The following FCHSD2 variants were observed in gnomAD, a reference collection of about 807,000 sequenced individuals.
The protein encoded by FCHSD2 is F-BAR and double SH3 domains protein 2.
A neutral mutation model predicts 108.1 loss-of-function variants in FCHSD2; 38 were observed. The ratio of observed to expected loss-of-function variants is 0.35; its 90% CI spans 0.27 to 0.46. FCHSD2 has a LOEUF of 0.46. Ranked by LOEUF, FCHSD2 falls within the 20% of genes least tolerant of loss-of-function variation. The probability of loss-of-function intolerance (pLI) is 1.00; values close to 1 mark genes in which losing one functional copy is unlikely to be tolerated. For synonymous variants in FCHSD2, 279 were observed against 314.7 expected (o/e 0.89, Z 1.20); for missense variants, 751 against 897.8 (o/e 0.84, Z 2.09).
Position 72,849,795 on chromosome 11 carries a change from C to A in FCHSD2, c.1403G>T (p.Arg468Ile). The change falls in exon 14 of 20, where the codon AGA (arginine) becomes ATA (isoleucine). Residue 468 changes from arginine to isoleucine, a missense_variant. Transcript: ENST00000409418. The part of the protein sequence containing the change: ...DSSSSPSGTL[R>I]NYPLTCKVVY... ...AACTTTGCAGGTGAGTGGATAATTT[C>A]TTAAGGTGCCAGAAGGGCTGGAACT... The A allele has an allele frequency of 6.2e-7, 1 of 1,612,992 alleles. No individual in the cohort carries two copies. Among genetic ancestry groups the A allele is most frequent in the Non-Finnish European group, 8.5e-7 (1 of 1,179,072 alleles).
intron 9 of FCHSD2, among the ~76,000 whole-genome samples, chr11:72,919,216 A>C (rs1490689193): frequency 6.6e-6 from 1 of 152,224 alleles, no homozygotes; most frequent in African/African-American, 2.4e-5. Flanking sequence ...ACAGAAAAAC[A>C]CATGGCATAA....
intron 2 of FCHSD2, among the ~76,000 whole-genome samples, chr11:73,085,718 A>T (rs1591541660): frequency 1.4e-5 from 2 of 143,880 alleles, no homozygotes; most frequent in East Asian, 3.9e-4. Flanking sequence ...TTTAACTATT[A>T]AAAAAAAAAA....
intron 13 of FCHSD2, among the ~76,000 whole-genome samples, chr11:72,853,507 C>G (rs1371961319): frequency 1.3e-5 from 2 of 151,984 alleles, no homozygotes; most frequent in Non-Finnish European, 2.9e-5. Flanking sequence ...CTCCGCCTGC[C>G]AGGTTCAAGC....
intron 13 of FCHSD2, among the ~76,000 whole-genome samples, chr11:72,861,650 C>T (rs752575679): frequency 2.0e-5 from 3 of 152,150 alleles, no homozygotes; most frequent in Non-Finnish European, 4.4e-5. Context: ...AAAGGATAGG[C>T]CGGGCGCGCT....
chr11:72,923,704 G>C (rs1266244807), intron 8 of FCHSD2, among the ~76,000 whole-genome samples: 1 of 152,132 alleles, frequency 6.6e-6, no homozygotes, highest in Non-Finnish European at 1.5e-5. Flanking sequence ...CACTTTGAGA[G>C]GCTGAGGTGG....
At chr11:72,893,966 A>G (rs1855370141) in intron 10 of FCHSD2, among the ~76,000 whole-genome samples, 1 of 152,230 alleles carries the variant, frequency 6.6e-6, no homozygotes, top group African/African-American at 2.4e-5. Flanking sequence ...ACAAAGGCAT[A>G]GAAGGCTCAG....
intron 8 of FCHSD2, among the ~76,000 whole-genome samples, chr11:72,965,005 G>A (rs1016636995): frequency 3.9e-5 from 6 of 151,972 alleles, no homozygotes; most frequent in African/African-American, 1.5e-4. Flanking sequence ...TAGCCAGGAT[G>A]GTCTCAATTT....
In FCHSD2 at chr11:72,880,059, A is replaced by G. The variant is rs557748468; in HGVS notation, c.1146+7411T>C. Among the ~76,000 whole-genome samples the G allele has an allele frequency of 2.6e-4, 10 of 38,700 alleles. No individual in the cohort carries two copies. The South Asian group carries it at 5.0e-3, about 19-fold the overall frequency. 25.4% of individuals were successfully genotyped at this position (38,700 alleles called of 152,430 possible). A position where few individuals can be genotyped will look rare whatever the true frequency, so the allele number is the denominator to read the frequency against. On this transcript the variant is annotated intron_variant, in intron 12 of 19. Transcript: ENST00000409418. The stretch of plus-strand genomic sequence containing the variant: ...AAAATAGCTACCCAAACCAAACCAA[A>G]ACAAGACAAAAACAAACAAACAAAC...
chr11:73,006,249 AC>A (rs1857739152), intron 4 of FCHSD2, among the ~76,000 whole-genome samples: 1 of 151,784 alleles, frequency 6.6e-6, no homozygotes, highest in African/African-American at 2.4e-5. Context: ...CCTTCCCTAA[AC>A]CCTAACTGCC....
intron 3 of FCHSD2, among the ~76,000 whole-genome samples, chr11:73,067,878 T>C (rs1476523249): frequency 6.6e-6 from 1 of 152,162 alleles, no homozygotes. Context: ...TACTCAAGAC[T>C]GGGTAATTTA....
At chr11:73,036,278 T>C (rs1170471808) in intron 3 of FCHSD2, among the ~76,000 whole-genome samples, 3 of 150,646 alleles carry the variant, frequency 2.0e-5, no homozygotes, top group Non-Finnish European at 3.0e-5. Context: ...AATTTTGAAA[T>C]GTGTGAAGGG....
chr11:72,849,674 T>G, intron 14 of FCHSD2, 81 bp downstream of exon 14: 1 of 1,107,982 alleles, frequency 9.0e-7, no homozygotes, highest in Non-Finnish European at 1.3e-6. Context: ...TAAGTACAGC[T>G]TGAGAGACTG....
At chr11:72,904,855 TAG>T (rs1219999966) in intron 9 of FCHSD2, among the ~76,000 whole-genome samples, 2 of 152,234 alleles carry the variant, frequency 1.3e-5, no homozygotes, top group Admixed American at 6.5e-5. Context: ...TTTTGTTCTG[TAG>T]AGTTTCCTGT....
rs996789789 is a variant in FCHSD2, at chr11:73,135,442, G to C, written c.119+4589C>G. 2.6e-5 allele frequency among the ~76,000 whole-genome samples: 4 copies of C among 152,266 alleles called. No homozygotes were observed. In the East Asian group the frequency reaches 7.7e-4, roughly 29 times the overall value. ...CCTTAAACTGTCCTCTAAGAAGGTA[G>C]TTCTTTAAATTCTGGGTCACTGCAA... On this transcript the variant is annotated intron_variant, in intron 2 of 19. Coordinates refer to ENST00000409418, the MANE Select transcript of FCHSD2 (RefSeq NM_014824.3).
chr11:73,116,302 T>A (rs1860599375), intron 2 of FCHSD2, among the ~76,000 whole-genome samples: 2 of 152,222 alleles, frequency 1.3e-5, no homozygotes, highest in African/African-American at 4.8e-5. Context: ...TAAATTTTTG[T>A]TGACGATATT....
At position 73,092,261 on chromosome 11, in the gene FCHSD2, G is replaced by T. The variant is rs528417004; in HGVS notation, c.120-8521C>A. Among the ~76,000 whole-genome samples, 20 of 152,076 alleles carry T rather than the reference G, an allele frequency of 1.3e-4. No individual in the cohort carries two copies. The South Asian group carries it at 4.2e-3, about 32-fold the overall frequency. On this transcript the variant is annotated intron_variant, in intron 2 of 19. Coordinates refer to ENST00000409418, the MANE Select transcript of FCHSD2 (RefSeq NM_014824.3). ...TCCCTCCTTAGCCTCCCAAGTAGCT[G>T]GGACTATAGGTGTACACCACCACAC...
At chr11:72,864,335 C>A (rs1460131925) in intron 13 of FCHSD2, among the ~76,000 whole-genome samples, 1 of 152,022 alleles carries the variant, frequency 6.6e-6, no homozygotes, top group Non-Finnish European at 1.5e-5. Context: ...CCAACGTGGG[C>A]GGACTGCTTG....
At chr11:72,954,681 G>A (rs965476665) in intron 8 of FCHSD2, among the ~76,000 whole-genome samples, 2 of 152,104 alleles carry the variant, frequency 1.3e-5, no homozygotes, top group African/African-American at 4.8e-5. Context: ...CAAAGGCTGA[G>A]TAGGTAACCA....
chr11:73,096,986 G>GTTTTTTTTTTTTTTTTTT (rs1400831147), intron 2 of FCHSD2, among the ~76,000 whole-genome samples: 2 of 19,474 alleles, frequency 1.0e-4, no homozygotes, highest in Non-Finnish European at 8.4e-5. Context: ...TTCATTGATG[G>GTTTTTTTTTTTTTTTTTT]ATTTTTTTTT....
Sources: gnomAD v4.1 joint callset for allele counts (sites outside exome capture counted in the v4.1 genomes callset) on GRCh38, gnomAD v4.1.1 for gene constraint, MANE v1.5 for transcripts, NCBI Gene and HGNC (gene_info 2026-07-23, HGNC 2026-07-21) for gene names.